Variants in SNTG1 observed in about 807,000 individuals in gnomAD.
SNTG1 encodes gamma-1-syntrophin.
In SNTG1, 39 loss-of-function variants were observed where a neutral mutation model predicts 74.7. That is an observed-to-expected ratio of 0.52 (90% CI 0.40 to 0.68). The LOEUF is 0.68. SNTG1 is among the 30% of genes least tolerant of loss of function. The pLI is 0.00. For synonymous variants in SNTG1, 254 were observed against 217.1 expected (o/e 1.17, Z -1.49); for missense variants, 685 against 609.5 (o/e 1.12, Z -1.30).
At chr8:50,224,191 C>T (rs903268473) in intron 2 of SNTG1, among the ~76,000 whole-genome samples, 3 of 152,046 alleles carry the variant, frequency 2.0e-5, no homozygotes, top group Non-Finnish European at 4.4e-5. Flanking sequence ...AGTTGGGAGA[C>T]ATATCACATT....
At chr8:50,048,215 G>A (rs1252488011) in intron 1 of SNTG1, among the ~76,000 whole-genome samples, 1 of 152,060 alleles carries the variant, frequency 6.6e-6, no homozygotes, top group Non-Finnish European at 1.5e-5. Context: ...TCAAAAATAA[G>A]GGGTTAAAGT....
chr8:50,752,619 T>C (rs1281087657), intron 18 of SNTG1, among the ~76,000 whole-genome samples: 1 of 151,926 alleles, frequency 6.6e-6, no homozygotes, highest in Non-Finnish European at 1.5e-5. Context: ...AAAGGGTAAA[T>C]AACAAAGTGA....
intron 1 of SNTG1, among the ~76,000 whole-genome samples, chr8:50,116,261 A>G (rs931435900): frequency 6.6e-6 from 1 of 152,152 alleles, no homozygotes; most frequent in Non-Finnish European, 1.5e-5. Flanking sequence ...ATCTAACATT[A>G]AACACTTTCC....
chr8:50,262,208 T>C (rs1300534008), intron 2 of SNTG1, among the ~76,000 whole-genome samples: 1 of 152,188 alleles, frequency 6.6e-6, no homozygotes, highest in Non-Finnish European at 1.5e-5. Flanking sequence ...AAAGCAGTGA[T>C]TAAATGTAAA....
intron 15 of SNTG1, among the ~76,000 whole-genome samples, chr8:50,679,048 T>C (rs886178097): frequency 8.5e-5 from 13 of 152,132 alleles, no homozygotes; most frequent in African/African-American, 3.1e-4. Flanking sequence ...AAACATGGAA[T>C]AATATTCAAT....
At chr8:50,177,166 C>A (rs1312665024) in intron 2 of SNTG1, among the ~76,000 whole-genome samples, 3 of 152,222 alleles carry the variant, frequency 2.0e-5, no homozygotes, top group African/African-American at 7.2e-5. Context: ...GTGTTAAATG[C>A]TGCTTATAGT....
At chr8:50,146,217 C>T (rs955726889) in intron 1 of SNTG1, among the ~76,000 whole-genome samples, 29 of 151,924 alleles carry the variant, frequency 1.9e-4, no homozygotes, top group African/African-American at 7.0e-4. Context: ...TGGATAAATG[C>T]TTAAAAGTGG....
intron 16 of SNTG1, among the ~76,000 whole-genome samples, chr8:50,705,602 T>C (rs895109330): frequency 1.3e-5 from 2 of 152,208 alleles, no homozygotes; most frequent in African/African-American, 4.8e-5. Flanking sequence ...TCAGTCTGTT[T>C]TGTATTGCAG....
intron 15 of SNTG1, among the ~76,000 whole-genome samples, chr8:50,687,477 GA>G (rs2095357752): frequency 6.6e-6 from 1 of 152,212 alleles, no homozygotes; most frequent in South Asian, 2.1e-4. Flanking sequence ...AACAGAATCA[GA>G]GGTAGCAATA....
At chr8:50,300,556 G>T (rs1365998062) in intron 2 of SNTG1, among the ~76,000 whole-genome samples, 1 of 151,972 alleles carries the variant, frequency 6.6e-6, no homozygotes, top group Non-Finnish European at 1.5e-5. Context: ...TCAATAGTTT[G>T]AAATTTCTTC....
At chr8:49,967,019 C>T (rs1188897994) in intron 1 of SNTG1, among the ~76,000 whole-genome samples, 5 of 151,898 alleles carry the variant, frequency 3.3e-5, no homozygotes, top group Non-Finnish European at 5.9e-5. Flanking sequence ...GCTTTCTTTA[C>T]TATTTGGAGA....
intron 17 of SNTG1, among the ~76,000 whole-genome samples, chr8:50,725,825 A>G (rs2095498735): frequency 6.6e-6 from 1 of 152,216 alleles, no homozygotes; most frequent in Admixed American, 6.5e-5. Flanking sequence ...CCAGGAGAAT[A>G]TTCTGGTTTG....
chr8:50,192,669 A>AT lies in SNTG1; in HGVS notation c.-28+20046dup, dbSNP rs562948060. ...TCTTCAGTTTAAATAGGTCCCAGCT[A>AT]TTTTTTTTTTTTAATTGCATTTGCT... On this transcript the variant is annotated intron_variant, in intron 2 of 18. Transcript: ENST00000642720. 8.8e-3 allele frequency among the ~76,000 whole-genome samples: 1,249 copies of AT among 141,176 alleles called. 5 individuals are homozygous for AT. Among genetic ancestry groups the AT allele is most frequent in the Admixed American group, 0.015 (216 of 14,192 alleles). 92.6% of individuals were successfully genotyped at this position (141,176 alleles called of 152,430 possible).
chr8:50,711,663 C>T (rs925723112), intron 17 of SNTG1, among the ~76,000 whole-genome samples: 1 of 152,130 alleles, frequency 6.6e-6, no homozygotes, highest in Non-Finnish European at 1.5e-5. Context: ...TTACTTACCA[C>T]CTGTGCTTGG....
At position 50,114,644 on chromosome 8, in the gene SNTG1, A is replaced by G. The variant is rs2080740693; in HGVS notation, c.-102-57917A>G. 2.6e-5 allele frequency among the ~76,000 whole-genome samples: 4 copies of G among 152,242 alleles called. No individual in the cohort carries two copies. The South Asian group carries it at 8.3e-4, about 32-fold the overall frequency. On this transcript the variant is annotated intron_variant, in intron 1 of 18. Transcript: ENST00000642720. ...CACTTTGGGAGGCCCAGGCAGGTGG[A>G]TCACGAGGTCAAGAGACTGAGACCA...
intron 2 of SNTG1, among the ~76,000 whole-genome samples, chr8:50,393,647 TTAGA>T (rs1247744447): frequency 1.3e-5 from 2 of 152,328 alleles, no homozygotes; most frequent in Non-Finnish European, 2.9e-5. Context: ...TGAATCTATT[TTAGA>T]TATTTTATAC....
At chr8:50,332,171 C>T (rs1331692677) in intron 2 of SNTG1, among the ~76,000 whole-genome samples, 1 of 152,182 alleles carries the variant, frequency 6.6e-6, no homozygotes, top group Non-Finnish European at 1.5e-5. Context: ...TCTGATCTTT[C>T]CATCTATTCA....
chr8:50,373,122 T>C (rs2092305987), intron 2 of SNTG1, among the ~76,000 whole-genome samples: 1 of 152,210 alleles, frequency 6.6e-6, no homozygotes, highest in Non-Finnish European at 1.5e-5. Context: ...AATTTTTCCA[T>C]GTGTTAATTA....
At chr8:50,671,760 C>A (rs1435063654) in intron 15 of SNTG1, among the ~76,000 whole-genome samples, 4 of 151,890 alleles carry the variant, frequency 2.6e-5, no homozygotes. Flanking sequence ...TTTATTGCGG[C>A]ACTATTCACA....
Sources: gnomAD v4.1 joint callset for allele counts (sites outside exome capture counted in the v4.1 genomes callset) on GRCh38, gnomAD v4.1.1 for gene constraint, MANE v1.5 for transcripts, NCBI Gene and HGNC (gene_info 2026-07-23, HGNC 2026-07-21) for gene names.